ALPK2: variants seen among roughly 807,000 people sequenced by gnomAD.
ALPK2 encodes the protein alpha kinase 2.
ALPK2 carries 127 observed loss-of-function variants against 163.1 expected under a neutral mutation model. The observed-to-expected ratio is 0.78, with a 90% CI of 0.67 to 0.90. The LOEUF (loss-of-function observed/expected upper bound fraction) is 0.90. Among genes scored for constraint, ALPK2 ranks in the 40% least tolerant of loss-of-function variants. ALPK2 has a pLI of 0.00. For missense variants in ALPK2, 2,360 were observed against 2,589.6 expected, an observed-to-expected ratio of 0.91 and a Z score of 1.92; for synonymous variants, 953 against 959.1, an observed-to-expected ratio of 0.99 and a Z score of 0.12.
chr18:58,536,782 C>T lies in ALPK2; in HGVS notation c.3405G>A (p.Gln1135=). 1.2e-6 allele frequency: 2 copies of T among 1,614,212 alleles called. No individual in the cohort carries two copies. Among genetic ancestry groups the T allele is most frequent in the Non-Finnish European group, 1.7e-6 (2 of 1,180,030 alleles). Residue 1135 remains glutamine (Q), a synonymous_variant, in exon 5 of 13, where the codon CAG becomes CAA. Coordinates refer to ENST00000361673, the MANE Select transcript of ALPK2 (RefSeq NM_052947.4). ...GGGACAGGCTCTGCTGCTGGACCCC[C>T]TGCTTTGTTTCACTTCCTCTTTCTT... ...NFQERGSETK[Q]GVQQQSLSQQ... is the part of the protein sequence containing the mutation.
chr18:58,571,039 T>G (rs2051883135), intron 4 of ALPK2, among the ~76,000 whole-genome samples: 1 of 152,256 alleles, frequency 6.6e-6, no homozygotes, highest in South Asian at 2.1e-4. Flanking sequence ...TTTTTTTTCT[T>G]TTTTTGAGAC....
intron 10 of ALPK2, among the ~76,000 whole-genome samples, chr18:58,505,020 G>A (rs2051454652): frequency 6.6e-6 from 1 of 152,130 alleles, no homozygotes; most frequent in Non-Finnish European, 1.5e-5. Context: ...CAGGCCTTGG[G>A]GGACCTGGGA....
At chr18:58,492,166 A>C (rs1193297221) in intron 12 of ALPK2, among the ~76,000 whole-genome samples, 1 of 145,462 alleles carries the variant, frequency 6.9e-6, no homozygotes, top group Non-Finnish European at 1.5e-5. Context: ...CACACACAAC[A>C]CACAGAGGCA....
chr18:58,536,044 G>C lies in ALPK2; in HGVS notation c.4143C>G (p.Leu1381=). Residue 1381 remains leucine (L), a synonymous_variant, in exon 5 of 13, where the codon CTC becomes CTG. Transcript: ENST00000361673. Reference sequence around the variant, plus strand: ...TAAAGAAGGCAGTGTGATCCATCTTGAGTTGTTTTTCCTCCTGGTCTTGAC... The same window carrying C: ...TAAAGAAGGCAGTGTGATCCATCTTCAGTTGTTTTTCCTCCTGGTCTTGAC... ...NVSQDQEEKQ[L]KMDHTAFFKK... 1 of 1,614,190 alleles carries C rather than the reference G, an allele frequency of 6.2e-7. No individual in the cohort carries two copies.
chr18:58,592,701 G>A (rs1018560733), intron 3 of ALPK2, among the ~76,000 whole-genome samples: 3 of 152,328 alleles, frequency 2.0e-5, no homozygotes, highest in East Asian at 3.9e-4. Context: ...TTCTTCACCC[G>A]AGGACAATTC....
intron 1 of ALPK2, among the ~76,000 whole-genome samples, chr18:58,623,898 C>T (rs2052215345): frequency 6.6e-6 from 1 of 152,060 alleles, no homozygotes; most frequent in Non-Finnish European, 1.5e-5. Context: ...CAGTAATATC[C>T]TAAATCTTTA....
In ALPK2 at chr18:58,517,099, G is replaced by C. The variant is rs1568072088; in HGVS notation, c.5749C>G (p.Gln1917Glu). 4 of 1,614,122 alleles carry C rather than the reference G, an allele frequency of 2.5e-6. No individual in the cohort carries two copies. The Admixed American group carries it at 5.0e-5, about 20-fold the overall frequency. ...AAGTGCAGCTCCTCCGTGGCGATCT[G>C]ACCACGCAGGCGGCCCCCAAAGTAG... is the stretch of plus-strand genomic sequence containing the variant. ...DSYFGGRLRGQIATEELHFGE... is the reference protein window; with the variant it reads ...DSYFGGRLRGEIATEELHFGE... Residue 1917 changes from glutamine (Q) to glutamate (E), a missense_variant, in exon 9 of 13, where the codon CAG (glutamine) becomes GAG (glutamate). By Grantham distance (29) the Gln-to-Glu change is conservative. Coordinates refer to ENST00000361673, the MANE Select transcript of ALPK2 (RefSeq NM_052947.4).
intron 1 of ALPK2, among the ~76,000 whole-genome samples, chr18:58,626,480 G>A (rs1022399071): frequency 4.0e-5 from 6 of 151,250 alleles, no homozygotes; most frequent in Admixed American, 6.6e-5. Flanking sequence ...TGCAAGACTC[G>A]ACTATAATCT....
rs541833993 is a variant in ALPK2, at chr18:58,593,599, C to T, written c.228-13051G>A. On this transcript the variant is annotated intron_variant, in intron 3 of 12. Transcript: ENST00000361673. ...AAAAAAAAAAAAAGGCAAAAAAGAC[C>T]GGGTGCAGTGGCTCACACCTGTAAT... is the stretch of plus-strand genomic sequence containing the variant. 1.5e-3 allele frequency among the ~76,000 whole-genome samples: 200 copies of T among 135,394 alleles called. 1 individual carries two copies. The highest frequency in any genetic ancestry group is 1.8e-3 in the Non-Finnish European group (119 of 64,516). 88.8% of individuals were successfully genotyped at this position (135,394 alleles called of 152,430 possible).
chr18:58,573,349 T>C, intron 4 of ALPK2, among the ~76,000 whole-genome samples: 1 of 132,478 alleles, frequency 7.5e-6, no homozygotes, highest in Non-Finnish European at 1.6e-5. Context: ...TATATATGTA[T>C]ATATATATGT....
chr18:58,578,046 A>T (rs1226050417), intron 4 of ALPK2: 1 of 152,258 alleles, frequency 6.6e-6, no homozygotes, highest in Non-Finnish European at 1.5e-5. Flanking sequence ...TATCATTAAA[A>T]ATATAAGTTA....
rs998631396 is a variant in ALPK2, at chr18:58,535,669, A to G, written c.4518T>C (p.Ser1506=). The change falls in exon 5 of 13, where the codon AGT becomes AGC. Residue 1506 remains serine (S), a synonymous_variant. Coordinates refer to ENST00000361673, the MANE Select transcript of ALPK2 (RefSeq NM_052947.4). The part of the protein sequence containing the change: ...QPSEGGERIP[S]GCSIGQIQES... ...CTTGTATTTGGCCTATGCTACATCC[A>G]CTTGGAATTCTTTCACCGCCTTCGC... 6.2e-7 allele frequency: 1 copy of G among 1,614,182 alleles called. No homozygotes were observed. The highest frequency in any genetic ancestry group is 8.5e-7 in the Non-Finnish European group (1 of 1,180,022).
chr18:58,508,719 T>C (rs1051770737), intron 10 of ALPK2, among the ~76,000 whole-genome samples: 3 of 152,186 alleles, frequency 2.0e-5, no homozygotes, highest in African/African-American at 7.2e-5. Flanking sequence ...GGCTGCTCTG[T>C]CTATGGAGTA....
chr18:58,579,964 C>G lies in ALPK2; in HGVS notation c.812G>C (p.Ser271Thr). The change falls in exon 4 of 13, where the codon AGC becomes ACC. Residue 271 changes from serine to threonine, a missense_variant. Physicochemically the swap from Ser to Thr is moderately conservative, Grantham distance 58. Coordinates refer to ENST00000361673, the MANE Select transcript of ALPK2 (RefSeq NM_052947.4). Reference protein sequence around the residue: ...QQNPKVQKYISFSLPLSEATA... With the variant: ...QQNPKVQKYITFSLPLSEATA... ...TGCCTCAGATAGCGGGAGGCTGAAG[C>G]TAATGTATTTCTGTACTTTGGGATT... 1 of 1,614,204 alleles carries G rather than the reference C, an allele frequency of 6.2e-7. No individual in the cohort carries two copies. Among genetic ancestry groups the G allele is most frequent in the Non-Finnish European group, 8.5e-7 (1 of 1,180,036 alleles).
intron 3 of ALPK2, among the ~76,000 whole-genome samples, chr18:58,598,500 C>T (rs1190536292): frequency 1.3e-5 from 2 of 152,132 alleles, no homozygotes; most frequent in Admixed American, 6.5e-5. Context: ...GCAGGGAGGC[C>T]TTGGGGCTGT....
intron 9 of ALPK2, 49 bp from the exon 10 acceptor site, chr18:58,515,130 G>T: frequency 7.1e-7 from 1 of 1,406,940 alleles, no homozygotes; most frequent in Non-Finnish European, 1.0e-6. Flanking sequence ...AGGAAATTCA[G>T]ACAGTATTGC....
chr18:58,516,869 T>G (rs1270846415), intron 9 of ALPK2, 39 bp downstream of exon 9: 1 of 1,595,500 alleles, frequency 6.3e-7, no homozygotes. Context: ...TGGGTGGTTC[T>G]CACACCAGAA....
At chr18:58,532,351 G>T (rs952055113) in intron 5 of ALPK2, among the ~76,000 whole-genome samples, 2 of 152,142 alleles carry the variant, frequency 1.3e-5, no homozygotes, top group East Asian at 1.9e-4. Flanking sequence ...GAGGTTGGCC[G>T]CCAGTGGCAA....
Position 58,504,150 on chromosome 18 carries a change from T to C in ALPK2, c.6030-2A>G, listed in dbSNP as rs1320332557. On this transcript the variant is annotated splice_acceptor_variant, in intron 10 of 12. Transcript: ENST00000361673. LOFTEE classifies it high-confidence loss of function. ...TGGATAAGAAAAATAGGAATGATCCTGGCAGGGAAGAGAACACAGGCGCAC... is the reference window on the plus strand; with the variant it reads ...TGGATAAGAAAAATAGGAATGATCCCGGCAGGGAAGAGAACACAGGCGCAC... The C allele has an allele frequency of 5.0e-6, 8 of 1,613,260 alleles. No individual in the cohort carries two copies. Among genetic ancestry groups the C allele is most frequent in the Non-Finnish European group, 6.8e-6 (8 of 1,179,286 alleles).
Sources: gnomAD v4.1 joint callset for allele counts (sites outside exome capture counted in the v4.1 genomes callset) on GRCh38, gnomAD v4.1.1 for gene constraint, MANE v1.5 for transcripts, NCBI Gene and HGNC (gene_info 2026-07-23, HGNC 2026-07-21) for gene names.